Variants in NPHP3 observed in about 807,000 individuals in gnomAD.
NPHP3 encodes nephrocystin 3.
In NPHP3, 123 loss-of-function variants were observed where a neutral mutation model predicts 171.9. The ratio of observed to expected loss-of-function variants is 0.72; its 90% CI spans 0.62 to 0.83. The LOEUF (loss-of-function observed/expected upper bound fraction) is 0.83. NPHP3 is among the 40% of genes least tolerant of loss of function. The probability of loss-of-function intolerance (pLI) is 0.00; values close to 1 mark genes in which losing one functional copy is unlikely to be tolerated. For synonymous variants in NPHP3, 558 were observed against 579.2 expected (o/e 0.96, Z 0.52); for missense variants, 1,506 against 1,591.9 (o/e 0.95, Z 0.92).
intron 13 of NPHP3, 23 bp from the exon 14 acceptor site, chr3:132,697,385 A>G (rs966562545): frequency 7.4e-6 from 11 of 1,482,576 alleles, no homozygotes; most frequent in Admixed American, 6.7e-5. Flanking sequence ...GAAAAGAAAA[A>G]TGAAATTTTA....
At chr3:132,708,017 GCCA>G in intron 7 of NPHP3, 81 bp downstream of exon 7, 2 of 1,334,118 alleles carry the variant, frequency 1.5e-6, no homozygotes, top group Non-Finnish European at 2.1e-6. Context: ...CCCCAGATAT[GCCA>G]GGCTTATGCC....
intron 21 of NPHP3, among the ~76,000 whole-genome samples, chr3:132,687,849 C>T (rs995911815): frequency 1.2e-4 from 18 of 152,258 alleles, no homozygotes; most frequent in East Asian, 9.6e-4. Context: ...TTTTCTATAA[C>T]GGGCTAGAGA....
chr3:132,713,077 C>A (rs775143421), intron 6 of NPHP3, 49 bp downstream of exon 6: 3 of 999,450 alleles, frequency 3.0e-6, no homozygotes, highest in African/African-American at 3.3e-5. Flanking sequence ...AAACTCAATT[C>A]TATTTACAGT....
intron 3 of NPHP3, chr3:132,717,479 TG>T (rs1289261805): frequency 6.5e-6 from 1 of 153,568 alleles, no homozygotes; most frequent in Non-Finnish European, 1.4e-5. Context: ...CTTAAGTAAA[TG>T]GTTATTTGAG....
At chr3:132,715,711 G>A (rs1940033363) in intron 4 of NPHP3, among the ~76,000 whole-genome samples, 1 of 152,298 alleles carries the variant, frequency 6.6e-6, no homozygotes, top group African/African-American at 2.4e-5. Flanking sequence ...TTTGCTGATA[G>A]AGAAATAATT....
At chr3:132,710,805 G>A (rs552610639) in intron 6 of NPHP3, among the ~76,000 whole-genome samples, 5 of 152,214 alleles carry the variant, frequency 3.3e-5, no homozygotes, top group African/African-American at 7.2e-5. Flanking sequence ...GAGCCTGGCC[G>A]TTTCCCTCTA....
chr3:132,700,483 T>A (rs1475996972), intron 10 of NPHP3, 35 bp from the exon 11 acceptor site: 1 of 1,290,302 alleles, frequency 7.8e-7, no homozygotes, highest in Non-Finnish European at 1.1e-6. Flanking sequence ...ATAAAACCGA[T>A]AAAGTTCCTT....
rs190548695 is a variant in NPHP3, at chr3:132,682,007, C to T, written c.3896G>A (p.Gly1299Asp). ...EIKEAETSLL[G>D]GKAPSRHSSS... ...TGAATGGCGTGAAGGAGCTTTTCCA[C>T]CCAAGAGTGATGTTTCTGCTTCTTT... The change falls in exon 27 of 27, where the codon GGT becomes GAT. Residue 1299 changes from glycine (G) to aspartate (D), a missense_variant. Around this residue, in one of 3 missense-constraint regions of NPHP3, gnomAD observed 569 missense variants for 648.1 expected, o/e 0.88. Transcript: ENST00000337331. 7.0e-5 allele frequency: 113 copies of T among 1,614,032 alleles called. No homozygotes were observed. In the Admixed American group the frequency reaches 1.5e-3, roughly 21 times the overall value.
intron 2 of NPHP3, 23 bp downstream of exon 2, chr3:132,719,682 G>T (rs1307552501): frequency 6.7e-7 from 1 of 1,484,868 alleles, no homozygotes; most frequent in Non-Finnish European, 9.1e-7. Flanking sequence ...GTTGCTTTGG[G>T]GGTAAAAATG....
At chr3:132,708,552 ACTCTTAAACT>A (rs1939819333) in intron 6 of NPHP3, among the ~76,000 whole-genome samples, 1 of 152,208 alleles carries the variant, frequency 6.6e-6, no homozygotes, top group African/African-American at 2.4e-5. Flanking sequence ...TCTCAAAAAT[ACTCTTAAACT>A]TGGCTCAAAA....
At chr3:132,701,911 A>G (rs1295334676) in intron 9 of NPHP3, among the ~76,000 whole-genome samples, 1 of 152,170 alleles carries the variant, frequency 6.6e-6, no homozygotes, top group Admixed American at 6.6e-5. Flanking sequence ...CTGTAGTCCC[A>G]GCTACTCAGG....
chr3:132,716,736 T>A, intron 4 of NPHP3, 21 bp downstream of exon 4: 1 of 1,612,744 alleles, frequency 6.2e-7, no homozygotes. Context: ...AGGCAAGTAA[T>A]TGACAAACAG....
At chr3:132,705,963 G>T in intron 7 of NPHP3, 149 bp from the exon 8 acceptor site, 1 of 551,316 alleles carries the variant, frequency 1.8e-6, no homozygotes, top group Non-Finnish European at 3.3e-6. Context: ...CCTTAGGAGG[G>T]AGATACTATT....
rs187341780 is a variant in NPHP3 at position 132,685,858 on chromosome 3, T to C, written c.3329+402A>G. 579 of 209,546 alleles carry C rather than the reference T, an allele frequency of 2.8e-3. 8 individuals are homozygous for C. The highest frequency in any genetic ancestry group is 0.013 in the African/African-American group (535 of 42,776). 13.0% of individuals were successfully genotyped at this position (209,546 alleles called of 1,614,324 possible). A position where few individuals can be genotyped will look rare whatever the true frequency, so the allele number is the denominator to read the frequency against. On this transcript the variant is annotated intron_variant, in intron 23 of 26. Transcript: ENST00000337331. Reference sequence around the variant, plus strand: ...CGAGGTCAGGAGATCGAGACCATCCTGGCTAACACAGTGAAACCCTGTCTC... The same window carrying C: ...CGAGGTCAGGAGATCGAGACCATCCCGGCTAACACAGTGAAACCCTGTCTC...
In NPHP3 at chr3:132,687,238, A is replaced by G. The variant is rs776507669; in HGVS notation, c.3126-12T>C. ...CAGCTTGTTCATATCTTAAAAAAAA[A>G]TTACAGTAAGTCAAACAAAAGAAAC... is the stretch of plus-strand genomic sequence containing the variant. On this transcript the variant is annotated splice_polypyrimidine_tract_variant and intron_variant, in intron 21 of 26. Transcript: ENST00000337331. 1 of 1,126,836 alleles carries G rather than the reference A, an allele frequency of 8.9e-7. No individual in the cohort carries two copies. The highest frequency in any genetic ancestry group is 1.3e-6 in the Non-Finnish European group (1 of 744,196). The allele number at this position is 1,126,836 out of a possible 1,614,324, so 69.8% of individuals were successfully genotyped here.
At chr3:132,721,728 G>C (rs570500365) in intron 1 of NPHP3, 2 of 696,718 alleles carry the variant, frequency 2.9e-6, no homozygotes, top group South Asian at 3.0e-5. Flanking sequence ...TTGAGCCCAG[G>C]AGTTCCAGGT....
Position 132,716,850 on chromosome 3 carries a change from C to A in NPHP3, c.730G>T (p.Gly244Ter), listed in dbSNP as rs1310366874. The stretch of plus-strand genomic sequence containing the variant: ...GACTGCTGAAGCTGGATCATGCTTC[C>A]TATGGAAGGTTCACTTCCCAAGGCT... ...GGALGSEPSI[G>*]SMIQLQQSFR... is the part of the protein sequence containing the mutation. Residue 244 changes from glycine (G) to a stop codon, truncating the protein, a stop_gained, in exon 4 of 27, where the codon GGA becomes TGA. Coordinates refer to ENST00000337331, the MANE Select transcript of NPHP3 (RefSeq NM_153240.5). LOFTEE classifies it high-confidence loss of function. 2 of 1,614,160 alleles carry A rather than the reference C, an allele frequency of 1.2e-6. No individual in the cohort carries two copies. The highest frequency in any genetic ancestry group is 2.2e-5 in the South Asian group (2 of 91,088).
At chr3:132,702,788 A>G (rs1341595611) in intron 9 of NPHP3, among the ~76,000 whole-genome samples, 1 of 152,244 alleles carries the variant, frequency 6.6e-6, no homozygotes, top group Non-Finnish European at 1.5e-5. Flanking sequence ...TAATTCAAAT[A>G]GAAATGATAC....
chr3:132,706,945 A>C (rs1939771691), intron 7 of NPHP3, among the ~76,000 whole-genome samples: 1 of 152,186 alleles, frequency 6.6e-6, no homozygotes, highest in African/African-American at 2.4e-5. Context: ...TTTATGTGTC[A>C]TGCTGCTCTC....
Sources: gnomAD v4.1 joint callset for allele counts (sites outside exome capture counted in the v4.1 genomes callset) on GRCh38, gnomAD v4.1.1 for gene constraint, gnomAD v4.1.1 regional missense constraint, MANE v1.5 for transcripts, NCBI Gene and HGNC (gene_info 2026-07-23, HGNC 2026-07-21) for gene names.